Variants in FSHR observed in about 807,000 individuals in gnomAD.
The protein encoded by FSHR is follicle-stimulating hormone receptor.
Under a neutral mutation model 52.1 loss-of-function variants are expected in FSHR, and 46 were observed. That is an observed-to-expected ratio of 0.88 (90% CI 0.70 to 1.13). FSHR has a LOEUF of 1.13. FSHR is among the 50% of genes most tolerant of loss of function. FSHR has a pLI of 0.00. For missense variants in FSHR, 964 were observed against 834.6 expected, an observed-to-expected ratio of 1.16 and a Z score of -1.91; for synonymous variants, 399 against 309.6, an observed-to-expected ratio of 1.29 and a Z score of -3.03.
At chr2:49,116,067 T>A (rs1355599713) in intron 1 of FSHR, among the ~76,000 whole-genome samples, 4 of 152,132 alleles carry the variant, frequency 2.6e-5, no homozygotes, top group Non-Finnish European at 5.9e-5. Context: ...AACCTGCAAG[T>A]AAGCAAGATC....
chr2:48,965,436 C>A lies in FSHR; in HGVS notation c.855-1470G>T, dbSNP rs189736442. ...GAATTGAAAGTGAATGGAAACGGAG[C>A]CCAGAAAATGTTCTGGTTTAGTCAA... On this transcript the variant is annotated intron_variant, in intron 9 of 9. Coordinates refer to ENST00000406846, the MANE Select transcript of FSHR (RefSeq NM_000145.4). Among the ~76,000 whole-genome samples, 475 of 152,178 alleles carry A rather than the reference C, an allele frequency of 3.1e-3. 6 individuals carry two copies. Among genetic ancestry groups the A allele is most frequent in the African/African-American group, 0.011 (460 of 41,514 alleles).
At chr2:49,063,539 G>A (rs1225405183) in intron 2 of FSHR, among the ~76,000 whole-genome samples, 1 of 152,064 alleles carries the variant, frequency 6.6e-6, no homozygotes, top group Admixed American at 6.6e-5. Flanking sequence ...AATCTTGGAG[G>A]ATATTATGTT....
chr2:49,111,860 C>T (rs920758038), intron 1 of FSHR, among the ~76,000 whole-genome samples: 4 of 152,178 alleles, frequency 2.6e-5, no homozygotes, highest in African/African-American at 7.2e-5. Context: ...TTCTTACTCT[C>T]AAACAGTACA....
intron 6 of FSHR, among the ~76,000 whole-genome samples, chr2:48,984,785 T>A (rs547267618): frequency 6.6e-6 from 1 of 152,228 alleles, no homozygotes; most frequent in Non-Finnish European, 1.5e-5. Flanking sequence ...ATAATTAATA[T>A]TTCTTGCATA....
chr2:49,046,666 C>G (rs1241600628), intron 2 of FSHR, among the ~76,000 whole-genome samples: 1 of 152,186 alleles, frequency 6.6e-6, no homozygotes, highest in Non-Finnish European at 1.5e-5. Flanking sequence ...TTGCTCACAG[C>G]ATCTATCAGT....
At chr2:48,973,836 C>A (rs982286813) in intron 8 of FSHR, among the ~76,000 whole-genome samples, 7 of 152,194 alleles carry the variant, frequency 4.6e-5, no homozygotes, top group African/African-American at 1.4e-4. Context: ...CCAGAAATTG[C>A]AGAATATTGC....
intron 2 of FSHR, among the ~76,000 whole-genome samples, chr2:49,028,974 G>C (rs1668006540): frequency 1.3e-5 from 2 of 152,216 alleles, no homozygotes; most frequent in South Asian, 4.1e-4. Context: ...ACCCTGGGTG[G>C]TTGCTAGCAC....
chr2:49,002,085 T>C (rs1198022734), intron 4 of FSHR, among the ~76,000 whole-genome samples: 2 of 152,156 alleles, frequency 1.3e-5, no homozygotes, highest in African/African-American at 4.8e-5. Context: ...TTAGCATTTC[T>C]GAACCTCAAG....
chr2:49,127,748 TTCTTTCTTCTTCTTCTTCTTCTTC>T lies in FSHR; in HGVS notation c.152+26494_152+26517del, dbSNP rs1672062005. ...TTGATTTGTGCATGATTTCTTCTTCTTCTTTCTTCTTCTTCTTCTTCTTCTTCTTCTTCTTCTTCTTCTTCTTCT... is the reference window on the plus strand; with the variant it reads ...TTGATTTGTGCATGATTTCTTCTTCTTTCTTCTTCTTCTTCTTCTTCTTCT... On this transcript the variant is annotated intron_variant, in intron 1 of 9. Coordinates refer to ENST00000406846, the MANE Select transcript of FSHR (RefSeq NM_000145.4). Among the ~76,000 whole-genome samples, 29 of 116,062 alleles carry T rather than the reference TTCTTTCTTCTTCTTCTTCTTCTTC, an allele frequency of 2.5e-4. 1 individual carries two copies. Among genetic ancestry groups the T allele is most frequent in the African/African-American group, 8.4e-4 (26 of 31,060 alleles). 76.1% of individuals were successfully genotyped at this position (116,062 alleles called of 152,430 possible). A position where few individuals can be genotyped will look rare whatever the true frequency, so the allele number is the denominator to read the frequency against.
At chr2:48,999,950 C>G (rs1389921544) in intron 4 of FSHR, among the ~76,000 whole-genome samples, 1 of 152,116 alleles carries the variant, frequency 6.6e-6, no homozygotes, top group Non-Finnish European at 1.5e-5. Context: ...TTACTGTAGA[C>G]TAATTCTTCA....
At chr2:49,021,502 G>A (rs998056135) in intron 2 of FSHR, among the ~76,000 whole-genome samples, 11 of 151,986 alleles carry the variant, frequency 7.2e-5, no homozygotes, top group African/African-American at 2.2e-4. Context: ...AGGATTTAGC[G>A]GAAGAGTTCT....
At position 49,134,474 on chromosome 2, in the gene FSHR, A is replaced by C. The variant is rs544086780; in HGVS notation, c.152+19792T>G. Among the ~76,000 whole-genome samples, 7 of 152,342 alleles carry C rather than the reference A, an allele frequency of 4.6e-5. No homozygotes were observed. In the South Asian group the frequency reaches 1.4e-3, roughly 32 times the overall value. ...GCTTTTACACTGTTGGTGGGACTGT[A>C]AACTAGTTCAACCATTGTGGAAGAC... On this transcript the variant is annotated intron_variant, in intron 1 of 9. Transcript: ENST00000406846.
intron 1 of FSHR, among the ~76,000 whole-genome samples, chr2:49,111,315 A>T (rs1671415014): frequency 6.6e-6 from 1 of 152,056 alleles, no homozygotes; most frequent in African/African-American, 2.4e-5. Context: ...GGTGAGGGAA[A>T]TTTTTGTTTT....
intron 1 of FSHR, among the ~76,000 whole-genome samples, chr2:49,119,081 G>T (rs552705250): frequency 8.5e-5 from 13 of 152,292 alleles, no homozygotes; most frequent in Admixed American, 5.2e-4. Flanking sequence ...ATGGGCAGTG[G>T]ACATCAGTGA....
chr2:49,013,619 G>A (rs1443868727), intron 4 of FSHR, among the ~76,000 whole-genome samples: 2 of 150,428 alleles, frequency 1.3e-5, no homozygotes, highest in Admixed American at 1.3e-4. Flanking sequence ...CACTGAGGAG[G>A]AGTACATAGC....
intron 2 of FSHR, among the ~76,000 whole-genome samples, chr2:49,038,465 C>A (rs903215240): frequency 5.3e-5 from 8 of 151,284 alleles, no homozygotes; most frequent in African/African-American, 1.9e-4. Flanking sequence ...ACTAAAAAAA[C>A]AAAAAAATAA....
intron 1 of FSHR, among the ~76,000 whole-genome samples, chr2:49,132,537 C>T (rs1553474): frequency 0.16 from 23,901 of 152,130 alleles, 2,210 homozygotes; most frequent in South Asian, 0.25. Context: ...GAGCCATTAC[C>T]ATTCACCAGA....
chr2:49,132,970 A>T (rs1278397922), intron 1 of FSHR, among the ~76,000 whole-genome samples: 2 of 7,150 alleles, frequency 2.8e-4, no homozygotes, highest in Non-Finnish European at 1.3e-3. Flanking sequence ...AAACTCAGTA[A>T]AAAAAAAAAA....
At chr2:49,047,971 C>T (rs1668719256) in intron 2 of FSHR, among the ~76,000 whole-genome samples, 1 of 152,154 alleles carries the variant, frequency 6.6e-6, no homozygotes, top group Non-Finnish European at 1.5e-5. Flanking sequence ...CTCCGCCTCC[C>T]AGGTTCAAGT....
Sources: allele counts gnomAD v4.1 joint callset (sites outside exome capture counted in the v4.1 genomes callset), GRCh38; gene constraint gnomAD v4.1.1; transcripts MANE v1.5; gene names NCBI Gene and HGNC (gene_info 2026-07-23, HGNC 2026-07-21).